Variants in UNKL observed in about 807,000 individuals in gnomAD.
The protein encoded by UNKL is unk like zinc finger.
In UNKL, 60 loss-of-function variants were observed where a neutral mutation model predicts 78.0. That is an observed-to-expected ratio of 0.77 (90% CI 0.63 to 0.95). The LOEUF (loss-of-function observed/expected upper bound fraction) is 0.95, where lower values mean the gene tolerates loss of function less well. Among genes scored for constraint, UNKL ranks in the 40% least tolerant of loss-of-function variants. The pLI, the probability that UNKL is intolerant of heterozygous loss-of-function variation, is 0.00. For missense variants in UNKL, 1,159 were observed against 1,045.7 expected, an observed-to-expected ratio of 1.11 and a Z score of -1.49; for synonymous variants, 608 against 474.8, an observed-to-expected ratio of 1.28 and a Z score of -3.65.
chr16:1,400,417 CAAAAAAAAAAAAAAAAAAAAAAAAAA>C lies in UNKL; in HGVS notation c.599-934_599-909del, dbSNP rs56093103. 2.3e-3 allele frequency among the ~76,000 whole-genome samples: 70 copies of C among 30,802 alleles called. 2 individuals carry two copies. Among genetic ancestry groups the C allele is most frequent in the Middle Eastern group, 0.025 (1 of 40 alleles). 20.2% of individuals were successfully genotyped at this position (30,802 alleles called of 152,430 possible). A position where few individuals can be genotyped will look rare whatever the true frequency, so the allele number is the denominator to read the frequency against. On this transcript the variant is annotated intron_variant, in intron 4 of 14. Coordinates refer to ENST00000389221, the MANE Select transcript of UNKL (RefSeq NM_001372107.1). The stretch of plus-strand genomic sequence containing the variant: ...TGGGTGACAGAGCGAGACTCCATCT[CAAAAAAAAAAAAAAAAAAAAAAAAAA>C]AAAAAAAAAAAATCGCTGCCATACG...
At chr16:1,404,805 G>A (rs1457808756) in intron 2 of UNKL, among the ~76,000 whole-genome samples, 2 of 152,142 alleles carry the variant, frequency 1.3e-5, no homozygotes, top group Non-Finnish European at 2.9e-5. Context: ...CGGGGTACAC[G>A]CAGGCTTCCG....
intron 10 of UNKL, among the ~76,000 whole-genome samples, chr16:1,376,822 C>G (rs565008234): frequency 3.3e-5 from 5 of 152,256 alleles, no homozygotes; most frequent in African/African-American, 1.2e-4. Flanking sequence ...ACAAGATTAA[C>G]TGGTAACATA....
rs546732886 is a variant in UNKL at position 1,363,605 on chromosome 16, G to C, written c.*2635C>G. On this transcript the variant is annotated 3_prime_UTR_variant, in exon 15 of 15. Transcript: ENST00000389221. ...CGCCCCGTGCCCGCCATGGCCACAG[G>C]GGGGAGCTGCTGGGCGCGCCTCCAC... The C allele has an allele frequency of 9.0e-5, 19 of 210,722 alleles. No individual in the cohort carries two copies. The highest frequency in any genetic ancestry group is 1.4e-4 in the African/African-American group (6 of 42,342). 13.1% of individuals were successfully genotyped at this position (210,722 alleles called of 1,614,324 possible).
At position 1,363,351 on chromosome 16, in the gene UNKL, A is replaced by G. The variant is rs144083031; in HGVS notation, c.*2889T>C. Reference sequence around the variant, plus strand: ...CTACAAGTAAATGATTATAAATACTACCTTCTGGGTTAAGAAAATTCCATT... The same window carrying G: ...CTACAAGTAAATGATTATAAATACTGCCTTCTGGGTTAAGAAAATTCCATT... On this transcript the variant is annotated 3_prime_UTR_variant, in exon 15 of 15. Coordinates refer to ENST00000389221, the MANE Select transcript of UNKL (RefSeq NM_001372107.1). 1.3e-5 allele frequency: 6 copies of G among 477,324 alleles called. No individual in the cohort carries two copies. Among genetic ancestry groups the G allele is most frequent in the African/African-American group, 1.2e-4 (6 of 51,176 alleles). 29.6% of individuals were successfully genotyped at this position (477,324 alleles called of 1,614,324 possible). A position where few individuals can be genotyped will look rare whatever the true frequency, so the allele number is the denominator to read the frequency against.
At chr16:1,413,806 A>G in intron 2 of UNKL, 40 bp downstream of exon 2, 1 of 1,487,854 alleles carries the variant, frequency 6.7e-7, no homozygotes, top group Non-Finnish European at 9.0e-7. Flanking sequence ...GAGGCCCCCC[A>G]CCTCCGCCCA....
intron 2 of UNKL, among the ~76,000 whole-genome samples, chr16:1,411,627 C>T (rs1209902076): frequency 6.6e-6 from 1 of 152,094 alleles, no homozygotes; most frequent in Non-Finnish European, 1.5e-5. Flanking sequence ...AAGTTCAAGA[C>T]CAGCCTGACC....
intron 2 of UNKL, among the ~76,000 whole-genome samples, chr16:1,412,659 A>C (rs948726050): frequency 6.6e-6 from 1 of 152,234 alleles, no homozygotes; most frequent in African/African-American, 2.4e-5. Flanking sequence ...TCTTAAAATT[A>C]AAATAAATAC....
At position 1,375,881 on chromosome 16, in the gene UNKL, G is replaced by A. The variant is rs2036177631; in HGVS notation, c.1265-4270C>T. 2.6e-5 allele frequency among the ~76,000 whole-genome samples: 4 copies of A among 152,320 alleles called. No homozygotes were observed. In the South Asian group the frequency reaches 8.3e-4, roughly 32 times the overall value. ...CCTGCAGGGTGGGCCAGCCCTCCCG[G>A]TCGCTGTCATCCACTTGACGTTCTC... On this transcript the variant is annotated intron_variant, in intron 10 of 14. Coordinates refer to ENST00000389221, the MANE Select transcript of UNKL (RefSeq NM_001372107.1).
At chr16:1,386,830 G>A (rs947302185) in intron 9 of UNKL, among the ~76,000 whole-genome samples, 4 of 152,038 alleles carry the variant, frequency 2.6e-5, no homozygotes, top group Non-Finnish European at 5.9e-5. Context: ...CTCAGCCCAC[G>A]GCCCAGGAGG....
Position 1,393,918 on chromosome 16 carries a change from G to A in UNKL, c.937+213C>T, listed in dbSNP as rs893565728. 3.3e-5 allele frequency among the ~76,000 whole-genome samples: 5 copies of A among 152,116 alleles called. No individual in the cohort carries two copies. In the South Asian group the frequency reaches 8.3e-4, roughly 25 times the overall value. On this transcript the variant is annotated intron_variant, in intron 7 of 14. Transcript: ENST00000389221. Reference sequence around the variant, plus strand: ...GCAGATTCCACCAGGCCTGGCCCACGCCGGCGTGGAGGGAGCCCAGCCTCA... The same window carrying A: ...GCAGATTCCACCAGGCCTGGCCCACACCGGCGTGGAGGGAGCCCAGCCTCA...
intron 9 of UNKL, among the ~76,000 whole-genome samples, chr16:1,389,596 AAACAC>A (rs2036958973): frequency 6.6e-6 from 1 of 152,176 alleles, no homozygotes; most frequent in South Asian, 2.1e-4. Context: ...GAATCTGTAA[AAACAC>A]AACAGCAACA....
At position 1,387,646 on chromosome 16, in the gene UNKL, G is replaced by A. The variant is rs1270716752; in HGVS notation, c.1087-2261C>T. ...CGTGGGGCGGTCTGCTGAGCTCACCGCATCCAGCAGCTATCACTCAGAACC... is the reference window on the plus strand; with the variant it reads ...CGTGGGGCGGTCTGCTGAGCTCACCACATCCAGCAGCTATCACTCAGAACC... On this transcript the variant is annotated intron_variant, in intron 9 of 14. Coordinates refer to ENST00000389221, the MANE Select transcript of UNKL (RefSeq NM_001372107.1). The surrounding 1 kb of genome is among the most constrained non-coding windows in gnomAD (Gnocchi z 4.1). Among the ~76,000 whole-genome samples the A allele has an allele frequency of 1.3e-5, 2 of 152,154 alleles. No individual in the cohort carries two copies. The highest frequency in any genetic ancestry group is 2.9e-5 in the Non-Finnish European group (2 of 68,018).
rs2037622649 is a variant in UNKL, at chr16:1,403,496, G to A, written c.288-152C>T. Reference sequence around the variant, plus strand: ...TTCTAATCAGAAGGACGGACACACTGGACGCAGCACCTGTCCCCAAATGTG... The same window carrying A: ...TTCTAATCAGAAGGACGGACACACTAGACGCAGCACCTGTCCCCAAATGTG... On this transcript the variant is annotated intron_variant, in intron 2 of 14. Coordinates refer to ENST00000389221, the MANE Select transcript of UNKL (RefSeq NM_001372107.1). This position sits in a 1 kb window ranked among gnomAD's most constrained non-coding sequence, Gnocchi z 4.8. The A allele has an allele frequency of 2.0e-6, 2 of 1,013,040 alleles. No individual in the cohort carries two copies. The highest frequency in any genetic ancestry group is 1.6e-5 in the African/African-American group (1 of 61,660). The allele number at this position is 1,013,040 out of a possible 1,614,324, so 62.8% of individuals were successfully genotyped here. A position where few individuals can be genotyped will look rare whatever the true frequency, so the allele number is the denominator to read the frequency against.
At chr16:1,398,511 G>C (rs1322720119) in intron 5 of UNKL, 1 of 1,286,042 alleles carries the variant, frequency 7.8e-7, no homozygotes, top group East Asian at 3.9e-5. Flanking sequence ...CAAGGAGTGG[G>C]GCGTCCTTCC....
At chr16:1,370,987 G>A (rs2035774396) in intron 11 of UNKL, among the ~76,000 whole-genome samples, 1 of 151,650 alleles carries the variant, frequency 6.6e-6, no homozygotes, top group South Asian at 2.1e-4. Context: ...GGAGGCTGAG[G>A]CAGGAGAATG....
chr16:1,390,009 C>T (rs550694290), intron 9 of UNKL, among the ~76,000 whole-genome samples: 1 of 152,256 alleles, frequency 6.6e-6, no homozygotes, highest in Non-Finnish European at 1.5e-5. Flanking sequence ...CATTCAGAGA[C>T]AGAGTCTCAC....
Position 1,363,499 on chromosome 16 carries a change from G to C in UNKL, c.*2741C>G. The C allele has an allele frequency of 6.9e-6, 2 of 288,530 alleles. No individual in the cohort carries two copies. The highest frequency in any genetic ancestry group is 6.1e-5 in the South Asian group (2 of 32,948). 17.9% of individuals were successfully genotyped at this position (288,530 alleles called of 1,614,324 possible). A position where few individuals can be genotyped will look rare whatever the true frequency, so the allele number is the denominator to read the frequency against. Reference sequence around the variant, plus strand: ...CAGTTACACACGTCGTGACACCACTGTATCACGGCGAATGTCGAACACTAG... The same window carrying C: ...CAGTTACACACGTCGTGACACCACTCTATCACGGCGAATGTCGAACACTAG... On this transcript the variant is annotated 3_prime_UTR_variant, in exon 15 of 15. Coordinates refer to ENST00000389221, the MANE Select transcript of UNKL (RefSeq NM_001372107.1).
intron 7 of UNKL, 125 bp downstream of exon 7, chr16:1,394,006 G>T: frequency 2.1e-6 from 2 of 949,106 alleles, no homozygotes; most frequent in South Asian, 1.6e-5. Flanking sequence ...CCCCAACCAC[G>T]GTGCTGAGCT....
intron 2 of UNKL, among the ~76,000 whole-genome samples, 184 bp downstream of exon 2, chr16:1,413,640 ACACATAATCCCTCGGGAACTGG>A (rs1214833357): frequency 6.6e-6 from 1 of 152,248 alleles, no homozygotes; most frequent in Non-Finnish European, 1.5e-5. Context: ...CCCCTAAAAC[ACACATAATCCCTCGGGAACTGG>A]CCTGAGAATA....
Sources: allele counts gnomAD v4.1 joint callset (sites outside exome capture counted in the v4.1 genomes callset), GRCh38; gene constraint gnomAD v4.1.1; non-coding constraint Gnocchi (gnomAD v3.1); transcripts MANE v1.5; gene names NCBI Gene and HGNC (gene_info 2026-07-23, HGNC 2026-07-21).